MTHFD1L: variants seen among roughly 807,000 people sequenced by gnomAD.
MTHFD1L encodes methylenetetrahydrofolate dehydrogenase (NADP+ dependent) 1 like, also known as monofunctional C1-tetrahydrofolate synthase, mitochondrial.
Under a neutral mutation model 119.5 loss-of-function variants are expected in MTHFD1L, and 81 were observed. That is an observed-to-expected ratio of 0.68 (90% confidence interval 0.57 to 0.82). MTHFD1L has a LOEUF of 0.82. MTHFD1L is among the 40% of genes least tolerant of loss of function. MTHFD1L has a pLI of 0.00. For synonymous variants in MTHFD1L, 430 were observed against 475.2 expected, an observed-to-expected ratio of 0.90 and a Z score of 1.24; for missense variants, 1,125 against 1,253.4, an observed-to-expected ratio of 0.90 and a Z score of 1.55.
At chr6:150,975,593 C>A (rs1396043592) in intron 20 of MTHFD1L, among the ~76,000 whole-genome samples, 2 of 152,148 alleles carry the variant, frequency 1.3e-5, no homozygotes, top group African/African-American at 2.4e-5. Context: ...ATATCAAAAC[C>A]AAAAACTCCA....
At chr6:151,057,650 A>G (rs1449655276) in intron 26 of MTHFD1L, among the ~76,000 whole-genome samples, 4 of 152,118 alleles carry the variant, frequency 2.6e-5, no homozygotes, top group Admixed American at 6.5e-5. Flanking sequence ...AAAAAGACCC[A>G]TGAGACCTAG....
intron 1 of MTHFD1L, among the ~76,000 whole-genome samples, chr6:150,870,546 A>G (rs1262620836): frequency 6.6e-6 from 1 of 152,138 alleles, no homozygotes; most frequent in African/African-American, 2.4e-5. Context: ...GTAGTTTCCC[A>G]GTGCATATAA....
In MTHFD1L at chr6:151,083,180, G is replaced by A. The variant is rs908677984; in HGVS notation, c.2848-9287G>A. 1.7e-4 allele frequency among the ~76,000 whole-genome samples: 25 copies of A among 149,796 alleles called. 5 individuals carry two copies. The highest frequency in any genetic ancestry group is 1.0e-3 in the Admixed American group (15 of 14,944). The stretch of plus-strand genomic sequence containing the variant: ...AGAATCTCCATCGTTCTCCAAATAC[G>A]AAGAATGAAATGCAATTTTTTTTTT... On this transcript the variant is annotated intron_variant, in intron 26 of 27. Coordinates refer to ENST00000367321, the MANE Select transcript of MTHFD1L (RefSeq NM_015440.5).
At chr6:150,903,033 T>A (rs975456118) in intron 7 of MTHFD1L, among the ~76,000 whole-genome samples, 1 of 152,134 alleles carries the variant, frequency 6.6e-6, no homozygotes, top group African/African-American at 2.4e-5. Flanking sequence ...GACAGTACTA[T>A]ATATAAATGA....
intron 20 of MTHFD1L, among the ~76,000 whole-genome samples, chr6:150,981,622 C>G (rs1470158439): frequency 6.6e-6 from 1 of 152,106 alleles, no homozygotes; most frequent in African/African-American, 2.4e-5. Context: ...GAGTCTCTGT[C>G]CCAAGTACTC....
rs138197263 is a variant in MTHFD1L at position 151,098,841 on chromosome 6, G to T, written c.*32-2685G>T. 2.7e-3 allele frequency among the ~76,000 whole-genome samples: 410 copies of T among 152,200 alleles called. 1 individual carries two copies. The highest frequency in any genetic ancestry group is 9.3e-3 in the African/African-American group (385 of 41,530). On this transcript the variant is annotated intron_variant, in intron 27 of 27. Transcript: ENST00000367321. The stretch of plus-strand genomic sequence containing the variant: ...CTCTGATTGTTTTCATCTATAATGA[G>T]ACTTTCTATACTTTGGCCAGTCCTT...
intron 4 of MTHFD1L, among the ~76,000 whole-genome samples, chr6:150,879,986 A>G (rs755161046): frequency 7.9e-5 from 12 of 152,086 alleles, no homozygotes; most frequent in Non-Finnish European, 1.5e-4. Flanking sequence ...ATTGACACAT[A>G]ATAATTGTGC....
chr6:150,903,597 T>G (rs1332038627), intron 7 of MTHFD1L, among the ~76,000 whole-genome samples: 1 of 152,050 alleles, frequency 6.6e-6, no homozygotes, highest in African/African-American at 2.4e-5. Flanking sequence ...TTATTTTATT[T>G]TATTTTTGTA....
At chr6:151,034,625 A>G (rs1198164123) in intron 25 of MTHFD1L, 25 bp downstream of exon 25, 1 of 1,488,498 alleles carries the variant, frequency 6.7e-7, no homozygotes, top group South Asian at 1.1e-5. Flanking sequence ...TTTAGGGGAA[A>G]AGAAAAAATT....
chr6:150,873,141 C>A (rs1436619731), intron 1 of MTHFD1L, among the ~76,000 whole-genome samples: 1 of 152,006 alleles, frequency 6.6e-6, no homozygotes, highest in Non-Finnish European at 1.5e-5. Context: ...TTGGTGAAAT[C>A]CTGTCTCTAC....
rs373941279 is a variant in MTHFD1L, at chr6:150,975,948, G to A, written c.2125+3890G>A. ...TCTGGTCCTCACTTGTGGCTTAAGG[G>A]GGAAGCGGGGACGCCAAGGCGGGTG... On this transcript the variant is annotated intron_variant, in intron 20 of 27. Transcript: ENST00000367321. 3.9e-5 allele frequency among the ~76,000 whole-genome samples: 6 copies of A among 152,158 alleles called. No homozygotes were observed. In the East Asian group the frequency reaches 7.7e-4, roughly 20 times the overall value.
At chr6:150,866,131 G>A in intron 1 of MTHFD1L, 82 bp downstream of exon 1, 1 of 1,438,764 alleles carries the variant, frequency 7.0e-7, no homozygotes, top group Non-Finnish European at 9.1e-7. Flanking sequence ...GACCGCCGTG[G>A]GGAGCGGGGC....
At chr6:150,914,282 G>A (rs1427213712) in intron 8 of MTHFD1L, among the ~76,000 whole-genome samples, 3 of 152,090 alleles carry the variant, frequency 2.0e-5, no homozygotes, top group African/African-American at 7.2e-5. Flanking sequence ...GGGTGATCGG[G>A]CCAGACCTTA....
At chr6:150,990,709 G>C (rs1410574808) in intron 20 of MTHFD1L, among the ~76,000 whole-genome samples, 3 of 152,168 alleles carry the variant, frequency 2.0e-5, no homozygotes, top group Admixed American at 1.3e-4. Flanking sequence ...TGATCCATCT[G>C]CCTTGGCCTT....
chr6:151,093,248 C>T (rs1010207130), intron 27 of MTHFD1L, among the ~76,000 whole-genome samples: 6 of 152,208 alleles, frequency 3.9e-5, no homozygotes, highest in African/African-American at 1.4e-4. Flanking sequence ...CCGTCTCAGC[C>T]TCTGTGGTCC....
intron 26 of MTHFD1L, 70 bp from the exon 27 acceptor site, chr6:151,092,397 T>C (rs761649875): frequency 3.4e-6 from 4 of 1,169,770 alleles, no homozygotes; most frequent in Non-Finnish European, 5.1e-6. Context: ...ATAGAGTTAA[T>C]TTGCATCATC....
chr6:151,060,314 T>C (rs1183870094), intron 26 of MTHFD1L, among the ~76,000 whole-genome samples: 1 of 152,246 alleles, frequency 6.6e-6, no homozygotes, highest in Non-Finnish European at 1.5e-5. Flanking sequence ...GATGCATCAC[T>C]GTGCAACCAC....
chr6:150,945,324 A>G (rs80267529), intron 14 of MTHFD1L, 143 bp from the exon 15 acceptor site: 187 of 620,562 alleles, frequency 3.0e-4, no homozygotes, highest in Middle Eastern at 2.7e-3. Context: ...AACATTGTTT[A>G]TATTAGCCCA....
chr6:151,064,367 C>T (rs557466719), intron 26 of MTHFD1L, among the ~76,000 whole-genome samples: 5 of 152,150 alleles, frequency 3.3e-5, no homozygotes, highest in African/African-American at 9.6e-5. Flanking sequence ...GGCTGGAGTA[C>T]AGTGGTGTGA....
Sources: gnomAD v4.1 joint callset for allele counts (sites outside exome capture counted in the v4.1 genomes callset) on GRCh38, gnomAD v4.1.1 for gene constraint, MANE v1.5 for transcripts, NCBI Gene and HGNC (gene_info 2026-07-23, HGNC 2026-07-21) for gene names.